Variants in SRCAP observed in about 807,000 individuals in gnomAD.
SRCAP encodes the protein Snf2 related CREBBP activator protein.
In SRCAP, 46 loss-of-function variants were observed where a neutral mutation model predicts 263.1. The ratio of observed to expected loss-of-function variants is 0.17; its 90% CI spans 0.14 to 0.22. The LOEUF is 0.22. SRCAP is among the 10% of genes least tolerant of loss of function. The pLI is 1.00. For synonymous variants in SRCAP, 1,813 were observed against 1,662.1 expected, an observed-to-expected ratio of 1.09 and a Z score of -2.21; for missense variants, 3,695 against 4,181.9, an observed-to-expected ratio of 0.88 and a Z score of 3.21.
chr16:30,736,419 T>G, intron 32 of SRCAP, 25 bp downstream of exon 32: 1 of 1,604,540 alleles, frequency 6.2e-7, no homozygotes, highest in Non-Finnish European at 8.5e-7. Flanking sequence ...CACTAGTTCT[T>G]GACTTTACTG....
In SRCAP at chr16:30,721,194, C is replaced by G; in HGVS notation, c.3259C>G (p.Pro1087Ala). 1 of 1,604,388 alleles carries G rather than the reference C, an allele frequency of 6.2e-7. No individual in the cohort carries two copies. The highest frequency in any genetic ancestry group is 8.5e-7 in the Non-Finnish European group (1 of 1,174,742). ...TGTTTGCTTTGTGTCTGCAGTGTTG[C>G]CATCCCCCCTGGGGGTCCTGAGTGG... ...PNSGSLPQVL[P>A]SPLGVLSGTS... The change falls in exon 21 of 34, where the codon CCA becomes GCA. Residue 1087 changes from proline to alanine, a missense_variant. Coordinates refer to ENST00000262518, the MANE Select transcript of SRCAP (RefSeq NM_006662.3).
chr16:30,699,299 T>C (rs2052739229), intron 1 of SRCAP, 57 bp downstream of exon 1: 1 of 398,468 alleles, frequency 2.5e-6, no homozygotes, highest in Non-Finnish European at 4.4e-6. Flanking sequence ...AAGCCGGCAC[T>C]GTGGTTTAGG....
rs1404122415 is a variant in SRCAP, at chr16:30,723,732, A to G, written c.4308A>G (p.Ser1436=). 6.2e-7 allele frequency: 1 copy of G among 1,613,450 alleles called. No individual in the cohort carries two copies. The highest frequency in any genetic ancestry group is 8.5e-7 in the Non-Finnish European group (1 of 1,179,860). ...PVSSTVSVPL[S]SSLPISVPTT... ...CCTCTACAGTCTCAGTTCCATTGTC[A>G]TCTTCACTCCCCATCTCTGTCCCCA... The change falls in exon 25 of 34, where the codon TCA becomes TCG. Residue 1436 remains serine, a synonymous_variant. Coordinates refer to ENST00000262518, the MANE Select transcript of SRCAP (RefSeq NM_006662.3).
chr16:30,736,723 AGTG>A, intron 33 of SRCAP, 99 bp downstream of exon 33: 3 of 1,303,698 alleles, frequency 2.3e-6, no homozygotes, highest in Non-Finnish European at 3.2e-6. Context: ...CCCAGGCTGG[AGTG>A]CAGTGGCACA....
Position 30,724,835 on chromosome 16 carries a change from A to C in SRCAP, c.5411A>C (p.Gln1804Pro). ...PVPTLGPAAA[Q>P]TLALAPASTQ... Reference sequence around the variant, plus strand: ...CCTACCCTGGGCCCGGCCGCAGCTCAGACCTTGGCGCTGGCCCCAGCCTCC... The same window carrying C: ...CCTACCCTGGGCCCGGCCGCAGCTCCGACCTTGGCGCTGGCCCCAGCCTCC... The change falls in exon 25 of 34, where the codon CAG becomes CCG. Residue 1804 changes from glutamine (Q) to proline (P), a missense_variant. By Grantham distance (76) the Gln-to-Pro change is moderately conservative. This residue lies in a region of SRCAP where 1,347 missense variants were observed against 1,304.4 expected (regional missense o/e 1.03). Transcript: ENST00000262518. The C allele has an allele frequency of 6.2e-7, 1 of 1,613,900 alleles. No homozygotes were observed. Among genetic ancestry groups the C allele is most frequent in the Non-Finnish European group, 8.5e-7 (1 of 1,179,856 alleles).
intron 18 of SRCAP, among the ~76,000 whole-genome samples, chr16:30,719,556 C>T (rs2052989316): frequency 1.3e-5 from 2 of 151,832 alleles, no homozygotes; most frequent in African/African-American, 4.8e-5. Context: ...TTCTGTGGCC[C>T]AGGCTGGGGT....
At chr16:30,721,572 T>C in intron 21 of SRCAP, 96 bp downstream of exon 21, 4 of 1,455,378 alleles carry the variant, frequency 2.7e-6, no homozygotes, top group South Asian at 1.3e-5. Flanking sequence ...TCAGGCATGA[T>C]GGCTCATGCC....
rs769493455 is a variant in SRCAP, at chr16:30,739,038, A to G, written c.8998A>G (p.Thr3000Ala). The G allele has an allele frequency of 2.5e-6, 4 of 1,613,976 alleles. No individual in the cohort carries two copies. Among genetic ancestry groups the G allele is most frequent in the East Asian group, 4.5e-5 (2 of 44,854 alleles). Residue 3000 changes from threonine (T) to alanine (A), a missense_variant, in exon 34 of 34, where the codon ACG (threonine) becomes GCG (alanine). Coordinates refer to ENST00000262518, the MANE Select transcript of SRCAP (RefSeq NM_006662.3). Reference protein sequence around the residue: ...ANTVTTVTISTSPPKRKRGRP... With the variant: ...ANTVTTVTISASPPKRKRGRP... Reference sequence around the variant, plus strand: ...CACTGTCACCACTGTCACCATTTCAACGTCCCCACCCAAACGGAAGAGGGG... The same window carrying G: ...CACTGTCACCACTGTCACCATTTCAGCGTCCCCACCCAAACGGAAGAGGGG...
In SRCAP at chr16:30,734,348, AAAAAC is replaced by A. The variant is rs959909553; in HGVS notation, c.6610-143_6610-139del. The A allele has an allele frequency of 2.5e-5, 32 of 1,269,374 alleles. No individual in the cohort carries two copies. In the Middle Eastern group the frequency reaches 1.4e-3, roughly 55 times the overall value. 78.6% of individuals were successfully genotyped at this position (1,269,374 alleles called of 1,614,324 possible). A position where few individuals can be genotyped will look rare whatever the true frequency, so the allele number is the denominator to read the frequency against. On this transcript the variant is annotated intron_variant, in intron 30 of 33. Coordinates refer to ENST00000262518, the MANE Select transcript of SRCAP (RefSeq NM_006662.3). ...ACGAGCAAAACCGTCTCAAAAAAGA[AAAAAC>A]AAAAAGGACTGCTTTGGCCTTCACA...
At chr16:30,700,260 G>T (rs1435592829) in intron 2 of SRCAP, among the ~76,000 whole-genome samples, 1 of 152,128 alleles carries the variant, frequency 6.6e-6, no homozygotes, top group Non-Finnish European at 1.5e-5. Context: ...TTTTTACTGT[G>T]TAACCTTCCG....
At chr16:30,727,855 G>GTT (rs952029708) in intron 25 of SRCAP, among the ~76,000 whole-genome samples, 2 of 151,740 alleles carry the variant, frequency 1.3e-5, no homozygotes, top group African/African-American at 4.8e-5. Flanking sequence ...CCTGGCCCTT[G>GTT]TTTGTATTTT....
rs761698795 is a variant in SRCAP, at chr16:30,711,906, G to A, written c.1564G>A (p.Ala522Thr). The change falls in exon 12 of 34, where the codon GCA (alanine) becomes ACA (threonine). Residue 522 changes from alanine to threonine, a missense_variant. Physicochemically the swap from Ala to Thr is moderately conservative, Grantham distance 58. Around this residue, in one of 12 missense-constraint regions of SRCAP, gnomAD observed 288 missense variants for 302.4 expected, o/e 0.95. Transcript: ENST00000262518. ...SEEEETSGSSASEESESEESE... is the reference protein window; with the variant it reads ...SEEEETSGSSTSEESESEESE... ...GGAGGAAGAAACAAGTGGAAGTTCAGCATCAGAGGAATCTGAGTCTGAAGA... is the reference window on the plus strand; with the variant it reads ...GGAGGAAGAAACAAGTGGAAGTTCAACATCAGAGGAATCTGAGTCTGAAGA... The A allele has an allele frequency of 6.2e-7, 1 of 1,613,774 alleles. No homozygotes were observed.
In SRCAP at chr16:30,727,644, C is replaced by G. The variant is rs577621734; in HGVS notation, c.5659-1322C>G. ...CTCAGCTCACTGCAACCTCCGCCTCCCAGGTTCAAGCGATTCTCCTGCTCA... is the reference window on the plus strand; with the variant it reads ...CTCAGCTCACTGCAACCTCCGCCTCGCAGGTTCAAGCGATTCTCCTGCTCA... On this transcript the variant is annotated intron_variant, in intron 25 of 33. Transcript: ENST00000262518. Among the ~76,000 whole-genome samples, 4 of 152,208 alleles carry G rather than the reference C, an allele frequency of 2.6e-5. No homozygotes were observed. The East Asian group carries it at 7.7e-4, about 29-fold the overall frequency.
chr16:30,737,517 C>T lies in SRCAP; in HGVS notation c.7477C>T (p.Pro2493Ser), dbSNP rs1196054849. Residue 2493 changes from proline to serine, a missense_variant, in exon 34 of 34, where the codon CCT becomes TCT. Physicochemically the swap from Pro to Ser is moderately conservative, Grantham distance 74. Transcript: ENST00000262518. ...TCCTCCCCCTCCTTCACAGATTCCT[C>T]CTTGTTCTTCTCCTGCCTGCACCCC... is the stretch of plus-strand genomic sequence containing the variant. ...PSPPPPSQIP[P>S]CSSPACTPPP... 6 of 1,604,228 alleles carry T rather than the reference C, an allele frequency of 3.7e-6. No individual in the cohort carries two copies. The highest frequency in any genetic ancestry group is 4.3e-6 in the Non-Finnish European group (5 of 1,171,316).
chr16:30,701,636 CT>C (rs35698444), intron 3 of SRCAP, among the ~76,000 whole-genome samples: 1,853 of 136,604 alleles, frequency 0.014, 10 homozygotes, highest in African/African-American at 0.026. Context: ...TTTTTCTTTT[CT>C]TTTTTTTTTT....
Position 30,713,231 on chromosome 16 carries a change from T to C in SRCAP, c.2154T>C (p.Phe718=). 6.2e-7 allele frequency: 1 copy of C among 1,614,126 alleles called. No individual in the cohort carries two copies. The highest frequency in any genetic ancestry group is 8.5e-7 in the Non-Finnish European group (1 of 1,180,038). ...KRQGWTKPNA[F]HVCITSYKLV... ...AGGGCTGGACCAAGCCCAATGCCTT[T>C]CATGTGTGTATCACATCTTACAAGC... is the stretch of plus-strand genomic sequence containing the variant. Residue 718 remains phenylalanine (F), a synonymous_variant, in exon 15 of 34, where the codon TTT becomes TTC. Coordinates refer to ENST00000262518, the MANE Select transcript of SRCAP (RefSeq NM_006662.3).
chr16:30,710,905 C>T (rs1453495091), intron 9 of SRCAP, 58 bp downstream of exon 9: 2 of 1,603,220 alleles, frequency 1.2e-6, no homozygotes, highest in Non-Finnish European at 1.7e-6. Context: ...TTGTCTGGAC[C>T]TAACCTTTCA....
At position 30,723,623 on chromosome 16, in the gene SRCAP, C is replaced by G. The variant is rs774689471; in HGVS notation, c.4199C>G (p.Pro1400Arg). 1.2e-5 allele frequency: 19 copies of G among 1,613,286 alleles called. 1 individual carries two copies. Among genetic ancestry groups the G allele is most frequent in the South Asian group, 3.3e-5 (3 of 91,046 alleles). Reference sequence around the variant, plus strand: ...GCTGCCCCCTTGACCATCTCTTCTCCTCTCCACGTGCCATCCTCCCTCCCT... The same window carrying G: ...GCTGCCCCCTTGACCATCTCTTCTCGTCTCCACGTGCCATCCTCCCTCCCT... ...PGAAPLTISSPLHVPSSLPGP... is the reference protein window; with the variant it reads ...PGAAPLTISSRLHVPSSLPGP... Residue 1400 changes from proline to arginine, a missense_variant, in exon 25 of 34, where the codon CCT becomes CGT. Physicochemically the swap from Pro to Arg is moderately radical, Grantham distance 103. This residue lies in a region of SRCAP where 1,347 missense variants were observed against 1,304.4 expected (regional missense o/e 1.03). Transcript: ENST00000262518.
At position 30,739,743 on chromosome 16, in the gene SRCAP, C is replaced by T. The variant is rs1181472367; in HGVS notation, c.*10C>T. The T allele has an allele frequency of 7.5e-6, 11 of 1,463,074 alleles. No individual in the cohort carries two copies. Among genetic ancestry groups the T allele is most frequent in the East Asian group, 2.5e-5 (1 of 40,184 alleles). The allele number at this position is 1,463,074 out of a possible 1,614,324, so 90.6% of individuals were successfully genotyped here. A position where few individuals can be genotyped will look rare whatever the true frequency, so the allele number is the denominator to read the frequency against. On this transcript the variant is annotated 3_prime_UTR_variant, in exon 34 of 34. Coordinates refer to ENST00000262518, the MANE Select transcript of SRCAP (RefSeq NM_006662.3). ...CAAGGCCAAGACGTGAGTGGGCTGC[C>T]CCTCCACCTAGGCTTTCCACCGTGG...
Sources: gnomAD v4.1 joint callset for allele counts (sites outside exome capture counted in the v4.1 genomes callset) on GRCh38, gnomAD v4.1.1 for gene constraint, gnomAD v4.1.1 regional missense constraint, MANE v1.5 for transcripts, NCBI Gene and HGNC (gene_info 2026-07-23, HGNC 2026-07-21) for gene names.